CHD7: variants seen among roughly 807,000 people sequenced by gnomAD.
CHD7 encodes the protein chromodomain helicase DNA binding protein 7.
A neutral mutation model predicts 307.3 loss-of-function variants in CHD7; 24 were observed. The observed-to-expected ratio is 0.08, with a 90% CI of 0.06 to 0.11. CHD7 has a LOEUF of 0.11. Ranked by LOEUF, CHD7 falls within the 10% of genes least tolerant of loss-of-function variation. The pLI, the probability that CHD7 is intolerant of heterozygous loss-of-function variation, is 1.00. For synonymous variants in CHD7, 1,363 were observed against 1,349.9 expected, an observed-to-expected ratio of 1.01 and a Z score of -0.21; for missense variants, 3,106 against 3,727.1, an observed-to-expected ratio of 0.83 and a Z score of 4.34.
At chr8:60,857,406 C>T (rs1299471044) in intron 34 of CHD7, among the ~76,000 whole-genome samples, 3 of 152,120 alleles carry the variant, frequency 2.0e-5, no homozygotes, top group Non-Finnish European at 4.4e-5. Flanking sequence ...TTGACTTTTC[C>T]TTTCTCAGTT....
At chr8:60,755,017 G>A (rs1036891802) in intron 2 of CHD7, among the ~76,000 whole-genome samples, 4 of 152,194 alleles carry the variant, frequency 2.6e-5, no homozygotes, top group African/African-American at 7.2e-5. Flanking sequence ...CCAAAACCCT[G>A]AGATGAACTT....
At chr8:60,727,970 C>T (rs1251511218) in intron 1 of CHD7, among the ~76,000 whole-genome samples, 1 of 152,240 alleles carries the variant, frequency 6.6e-6, no homozygotes, top group Non-Finnish European at 1.5e-5. Context: ...AAACAAGTCT[C>T]TCTCTTGAGT....
intron 6 of CHD7, among the ~76,000 whole-genome samples, chr8:60,805,237 T>G (rs1159572689): frequency 6.6e-6 from 1 of 152,190 alleles, no homozygotes; most frequent in Non-Finnish European, 1.5e-5. Flanking sequence ...CACACTTTTG[T>G]TCAATTGTTT....
At chr8:60,727,103 A>G (rs375877446) in intron 1 of CHD7, among the ~76,000 whole-genome samples, 3 of 152,074 alleles carry the variant, frequency 2.0e-5, no homozygotes, top group South Asian at 2.1e-4. Context: ...AATAAATACT[A>G]TTATTATCCC....
intron 8 of CHD7, 90 bp downstream of exon 8, chr8:60,816,591 A>G (rs975929925): frequency 5.4e-6 from 4 of 745,556 alleles, no homozygotes; most frequent in Admixed American, 2.8e-5. Context: ...AAGAAAAACT[A>G]GTTAGTCTCA....
rs147042560 is a variant in CHD7 at position 60,700,769 on chromosome 8, T to A, written c.-175+21687T>A. Among the ~76,000 whole-genome samples, 467 of 152,356 alleles carry A rather than the reference T, an allele frequency of 3.1e-3. 4 individuals carry two copies. The highest frequency in any genetic ancestry group is 0.011 in the African/African-American group (441 of 41,586). On this transcript the variant is annotated intron_variant, in intron 1 of 37. Coordinates refer to ENST00000423902, the MANE Select transcript of CHD7 (RefSeq NM_017780.4). The stretch of plus-strand genomic sequence containing the variant: ...CCTGGTTCTAATTTAGACTCCTCAC[T>A]GTACCATAGTATTTTGGGAAAGCGA...
At chr8:60,761,416 G>A (rs1011191948) in intron 2 of CHD7, among the ~76,000 whole-genome samples, 16 of 151,826 alleles carry the variant, frequency 1.1e-4, no homozygotes, top group Middle Eastern at 3.4e-3. Flanking sequence ...TGGGTGCAGC[G>A]CACCAGCATG....
chr8:60,852,406 A>G (rs1247987907), intron 29 of CHD7, 92 bp from the exon 30 acceptor site: 3 of 1,349,992 alleles, frequency 2.2e-6, no homozygotes, highest in South Asian at 1.4e-5. Flanking sequence ...AATAACTACC[A>G]TGTATAAAGT....
intron 1 of CHD7, among the ~76,000 whole-genome samples, chr8:60,726,895 T>C (rs1177993498): frequency 1.3e-5 from 2 of 152,202 alleles, no homozygotes; most frequent in African/African-American, 4.8e-5. Context: ...TCCTATCTCA[T>C]CTCTTCAGAG....
intron 1 of CHD7, among the ~76,000 whole-genome samples, chr8:60,683,776 G>C (rs1398503623): frequency 6.6e-6 from 1 of 152,184 alleles, no homozygotes; most frequent in Non-Finnish European, 1.5e-5. Context: ...GTCTTTGTTG[G>C]CTCTGGAAGA....
At chr8:60,704,503 C>G (rs1806921665) in intron 1 of CHD7, among the ~76,000 whole-genome samples, 1 of 148,290 alleles carries the variant, frequency 6.7e-6, no homozygotes, top group Non-Finnish European at 1.5e-5. Context: ...ACTGGGAGAG[C>G]TTGGTCTGTA....
intron 35 of CHD7, 96 bp from the exon 36 acceptor site, chr8:60,862,100 A>G (rs183464685): frequency 7.7e-6 from 7 of 910,198 alleles, no homozygotes; most frequent in Middle Eastern, 6.8e-4. Context: ...AACTTCCATA[A>G]TAATTGAAGA....
At chr8:60,764,629 T>C (rs576666950) in intron 2 of CHD7, among the ~76,000 whole-genome samples, 1 of 152,346 alleles carries the variant, frequency 6.6e-6, no homozygotes, top group African/African-American at 2.4e-5. Flanking sequence ...CAGCCATTCA[T>C]TCATTCATTC....
At chr8:60,838,794 G>T (rs1804847626) in intron 19 of CHD7, among the ~76,000 whole-genome samples, 1 of 152,170 alleles carries the variant, frequency 6.6e-6, no homozygotes. Flanking sequence ...TATCAGAGCT[G>T]CTCTGGCCAG....
chr8:60,742,133 A>G lies in CHD7; in HGVS notation c.701A>G (p.His234Arg), dbSNP rs1809063409. Residue 234 changes from histidine to arginine, a missense_variant, in exon 2 of 38, where the codon CAC (histidine) becomes CGC (arginine). Around this residue, in one of 10 missense-constraint regions of CHD7, gnomAD observed 998 missense variants for 1,004.5 expected, o/e 0.99. Coordinates refer to ENST00000423902, the MANE Select transcript of CHD7 (RefSeq NM_017780.4). ...NPFIATSGPG[H>R]LSHVPQQSPS... The stretch of plus-strand genomic sequence containing the variant: ...TTTATTGCCACCTCAGGACCTGGCC[A>G]CTTGTCCCACGTGCCCCAGCAGAGT... 6.2e-7 allele frequency: 1 copy of G among 1,613,840 alleles called. No individual in the cohort carries two copies. Among genetic ancestry groups the G allele is most frequent in the African/African-American group, 1.3e-5 (1 of 74,900 alleles).
chr8:60,850,606 G>C lies in CHD7; in HGVS notation c.5518G>C (p.Ala1840Pro). Residue 1840 changes from alanine (A) to proline (P), a missense_variant, in exon 26 of 38, where the codon GCA becomes CCA. Physicochemically the swap from Ala to Pro is conservative, Grantham distance 27. Around this residue, in one of 10 missense-constraint regions of CHD7, gnomAD observed 1,030 missense variants for 1,165.4 expected, o/e 0.88. Transcript: ENST00000423902. ...CGAGCAAAGAGGAACAGACATGCTA[G>C]CAGATGGTGGTGACGGGTAAGAAGG... Reference protein sequence around the residue: ...AAEQRGTDMLADGGDGGEFDR... With the variant: ...AAEQRGTDMLPDGGDGGEFDR... The C allele has an allele frequency of 6.2e-7, 1 of 1,612,418 alleles. No homozygotes were observed. The highest frequency in any genetic ancestry group is 8.5e-7 in the Non-Finnish European group (1 of 1,179,150).
At chr8:60,809,697 A>G (rs866431443) in intron 7 of CHD7, 11 of 149,426 alleles carry the variant, frequency 7.4e-5, no homozygotes, top group Middle Eastern at 3.4e-3. Context: ...AAAAAAAAGA[A>G]AAAAAAGGTT....
chr8:60,737,092 C>T (rs1014726889), intron 1 of CHD7, among the ~76,000 whole-genome samples: 7 of 151,972 alleles, frequency 4.6e-5, no homozygotes, highest in African/African-American at 1.2e-4. Context: ...TTTCTTTCAT[C>T]TTGGTTTCTT....
intron 2 of CHD7, among the ~76,000 whole-genome samples, chr8:60,772,573 G>A (rs941554152): frequency 6.6e-6 from 1 of 152,254 alleles, no homozygotes; most frequent in Middle Eastern, 3.4e-3. Context: ...GGTGTCCACT[G>A]CCAAATTCAA....
Sources: gnomAD v4.1 joint callset for allele counts (sites outside exome capture counted in the v4.1 genomes callset) on GRCh38, gnomAD v4.1.1 for gene constraint, gnomAD v4.1.1 regional missense constraint, MANE v1.5 for transcripts, NCBI Gene and HGNC (gene_info 2026-07-23, HGNC 2026-07-21) for gene names.